Variants in ADCY4 observed in about 807,000 individuals in gnomAD.
ADCY4 encodes adenylate cyclase type 4.
Under a neutral mutation model 125.5 loss-of-function variants are expected in ADCY4, and 111 were observed. That is an observed-to-expected ratio of 0.88 (90% CI 0.76 to 1.04). The LOEUF (loss-of-function observed/expected upper bound fraction) is 1.04. Ranked by LOEUF, ADCY4 falls within the 50% of genes least tolerant of loss-of-function variation. The pLI is 0.00. For synonymous variants in ADCY4, 576 were observed against 586.9 expected, an observed-to-expected ratio of 0.98 and a Z score of 0.27; for missense variants, 1,256 against 1,382.9, an observed-to-expected ratio of 0.91 and a Z score of 1.46.
chr14:24,318,518 G>A lies in ADCY4; in HGVS notation c.3132C>T (p.Tyr1044=), dbSNP rs1235082384. ...WALQSLGYTC[Y]SRGVIKVKGK... ...CTTTCACCTTGATGACACCCCGGCT[G>A]TAGCAGGTGTAGCCCAGGGACTGTA... The change falls in exon 25 of 25, where the codon TAC becomes TAT. Residue 1044 remains tyrosine (Y), a synonymous_variant. Transcript: ENST00000418030. The A allele has an allele frequency of 6.2e-7, 1 of 1,614,184 alleles. No individual in the cohort carries two copies. Among genetic ancestry groups the A allele is most frequent in the Admixed American group, 1.7e-5 (1 of 60,032 alleles).
In ADCY4 at chr14:24,319,887, T is replaced by A. The variant is rs886902730; in HGVS notation, c.2588A>T (p.Asp863Val). The A allele has an allele frequency of 7.4e-6, 12 of 1,612,898 alleles. No homozygotes were observed. Among genetic ancestry groups the A allele is most frequent in the South Asian group, 1.1e-5 (1 of 91,036 alleles). The change falls in exon 21 of 25, where the codon GAT becomes GTT. Residue 863 changes from aspartate (D) to valine (V), a missense_variant and splice_region_variant. Asp to Val is a radical substitution (Grantham distance 152). Transcript: ENST00000418030. This position sits in a 1 kb window ranked among gnomAD's most constrained non-coding sequence, Gnocchi z 4.5. The part of the protein sequence containing the change: ...QFIGQNRRNE[D>V]LYHQSYECVC... ...GCATTCATAGGACTGGTGGTAGAGATCCTGGGGGAACAGGAGACTGGAGTG... is the reference window on the plus strand; with the variant it reads ...GCATTCATAGGACTGGTGGTAGAGAACCTGGGGGAACAGGAGACTGGAGTG...
At chr14:24,323,919 A>AT in intron 16 of ADCY4, 143 bp downstream of exon 16, 2 of 1,240,492 alleles carry the variant, frequency 1.6e-6, no homozygotes, top group Non-Finnish European at 1.1e-6. Context: ...GGAGACTGTA[A>AT]TTTTTTTCTT....
intron 16 of ADCY4, 168 bp from the exon 17 acceptor site, chr14:24,323,622 G>A (rs986078497): frequency 2.9e-5 from 41 of 1,433,042 alleles, no homozygotes; most frequent in South Asian, 1.2e-4. Flanking sequence ...GTCCTCACTC[G>A]GGGAGGAGTT....
rs1177268394 is a variant in ADCY4, at chr14:24,325,479, AAGTGAG to A, written c.1726-11_1726-6del. 1.9e-6 allele frequency: 3 copies of A among 1,611,554 alleles called. No homozygotes were observed. Among genetic ancestry groups the A allele is most frequent in the Non-Finnish European group, 2.5e-6 (3 of 1,178,092 alleles). On this transcript the variant is annotated splice_region_variant and splice_polypyrimidine_tract_variant and intron_variant, in intron 13 of 24. Transcript: ENST00000418030. Reference sequence around the variant, plus strand: ...GGGGATTGCAGAGAGTCGGTACTGAAAGTGAGAGGGCCAGAGGTGGAGACAGGGTCC... The same window carrying A: ...GGGGATTGCAGAGAGTCGGTACTGAAAGGGCCAGAGGTGGAGACAGGGTCC...
chr14:24,332,743 G>T (rs1206770372), intron 2 of ADCY4, 48 bp downstream of exon 2: 3 of 1,540,986 alleles, frequency 1.9e-6, no homozygotes, highest in South Asian at 2.4e-5. Context: ...CCTGGTGAGG[G>T]ATCGAAGCCC....
Position 24,331,345 on chromosome 14 carries a change from GAGA to G in ADCY4, c.678_680del (p.Leu228del). On this transcript the variant is annotated inframe_deletion, in exon 5 of 25. Transcript: ENST00000418030. ...CCAGGTAGGCAGGAAGGATGGACAA[GAGA>G]AGGTGTTCCTGGAAGAGGTCACCAT... 2.5e-6 allele frequency: 4 copies of G among 1,614,008 alleles called. No individual in the cohort carries two copies. The highest frequency in any genetic ancestry group is 3.4e-6 in the Non-Finnish European group (4 of 1,180,032).
At chr14:24,328,949 A>G (rs938037474) in intron 10 of ADCY4, 112 bp downstream of exon 10, 3 of 1,360,766 alleles carry the variant, frequency 2.2e-6, no homozygotes, top group Non-Finnish European at 3.0e-6. Flanking sequence ...GGATGTCACA[A>G]ATCATTAAGT....
chr14:24,332,782 C>T lies in ADCY4; in HGVS notation c.357+9G>A, dbSNP rs780040632. 4 of 1,541,796 alleles carry T rather than the reference C, an allele frequency of 2.6e-6. No individual in the cohort carries two copies. The highest frequency in any genetic ancestry group is 4.8e-5 in the East Asian group (2 of 41,626). On this transcript the variant is annotated intron_variant, in intron 2 of 24. Coordinates refer to ENST00000418030, the MANE Select transcript of ADCY4 (RefSeq NM_001198568.2). Reference sequence around the variant, plus strand: ...CCGTCCCCGCTGCCCCGCCTGCCGCCCCTCTCACCTGGTCCCAGGCGCTCA... The same window carrying T: ...CCGTCCCCGCTGCCCCGCCTGCCGCTCCTCTCACCTGGTCCCAGGCGCTCA...
intron 15 of ADCY4, 29 bp downstream of exon 15, chr14:24,324,278 T>C (rs748798524): frequency 1.9e-6 from 3 of 1,613,974 alleles, no homozygotes. Flanking sequence ...GGCTCCGGCA[T>C]ACCACTTCCA....
chr14:24,319,725 A>C lies in ADCY4; in HGVS notation c.2733+17T>G. On this transcript the variant is annotated intron_variant, in intron 21 of 24. Coordinates refer to ENST00000418030, the MANE Select transcript of ADCY4 (RefSeq NM_001198568.2). This position sits in a 1 kb window ranked among gnomAD's most constrained non-coding sequence, Gnocchi z 4.5. Reference sequence around the variant, plus strand: ...GAATCTAGGACATAGGGTCTGGGAGACTCTTGGAATTTTCACCTCATCAAA... The same window carrying C: ...GAATCTAGGACATAGGGTCTGGGAGCCTCTTGGAATTTTCACCTCATCAAA... The C allele has an allele frequency of 6.2e-7, 1 of 1,613,550 alleles. No individual in the cohort carries two copies. The highest frequency in any genetic ancestry group is 8.5e-7 in the Non-Finnish European group (1 of 1,179,896).
chr14:24,322,363 A>G (rs2041865727), intron 19 of ADCY4, 139 bp from the exon 20 acceptor site: 21 of 1,039,168 alleles, frequency 2.0e-5, no homozygotes, highest in Non-Finnish European at 2.9e-5. Flanking sequence ...AGGTGTAAGT[A>G]TACTTGGAGA....
chr14:24,332,427 T>C, intron 3 of ADCY4, 95 bp downstream of exon 3: 2 of 1,379,330 alleles, frequency 1.4e-6, no homozygotes, highest in Non-Finnish European at 1.9e-6. Flanking sequence ...CGTTGCACCT[T>C]GACTTGGAGT....
intron 4 of ADCY4, 44 bp from the exon 5 acceptor site, chr14:24,331,400 G>T: frequency 1.2e-6 from 2 of 1,607,760 alleles, no homozygotes; most frequent in Non-Finnish European, 8.5e-7. Context: ...GCACCCTAAA[G>T]CCAGGAGGCC....
At chr14:24,332,145 A>G (rs926088687) in intron 3 of ADCY4, 15 of 557,492 alleles carry the variant, frequency 2.7e-5, no homozygotes, top group African/African-American at 3.9e-5. Context: ...TGCTTCACCA[A>G]CACGACCTCT....
rs747818591 is a variant in ADCY4 at position 24,324,155 on chromosome 14, T to G, written c.1953A>C (p.Ala651=). The part of the protein sequence containing the change: ...KGPKMLHWLP[A]LSGLVATRPG... ...GTCGTGTGGCCACCAGGCCAGACAG[T>G]GCAGGCAGCCAGTGCAGCATCTTGG... The change falls in exon 16 of 25, where the codon GCA becomes GCC. Residue 651 remains alanine (A), a synonymous_variant. Coordinates refer to ENST00000418030, the MANE Select transcript of ADCY4 (RefSeq NM_001198568.2). 7 of 1,614,118 alleles carry G rather than the reference T, an allele frequency of 4.3e-6. No individual in the cohort carries two copies. The highest frequency in any genetic ancestry group is 5.9e-6 in the Non-Finnish European group (7 of 1,180,034).
chr14:24,326,572 TG>T (rs1219649219), intron 10 of ADCY4: 2 of 64,510 alleles, frequency 3.1e-5, no homozygotes, highest in African/African-American at 1.1e-4. Flanking sequence ...CCAGGATCTT[TG>T]TGTGTGTGTG....
rs2041813182 is a variant in ADCY4, at chr14:24,319,067, C to G, written c.2956+31G>C. 30 of 1,610,500 alleles carry G rather than the reference C, an allele frequency of 1.9e-5. No individual in the cohort carries two copies. The highest frequency in any genetic ancestry group is 2.5e-5 in the Non-Finnish European group (30 of 1,177,072). Reference sequence around the variant, plus strand: ...GCAAGCTCAGGAAGGTGAGGAGGTACCAGACTGCTGCAGCAGGGGAAGTCT... The same window carrying G: ...GCAAGCTCAGGAAGGTGAGGAGGTAGCAGACTGCTGCAGCAGGGGAAGTCT... On this transcript the variant is annotated intron_variant, in intron 23 of 24. Transcript: ENST00000418030. The surrounding 1 kb of genome is among the most constrained non-coding windows in gnomAD (Gnocchi z 4.5).
intron 18 of ADCY4, 93 bp downstream of exon 18, chr14:24,322,811 T>A: frequency 6.5e-7 from 1 of 1,543,438 alleles, no homozygotes; most frequent in Non-Finnish European, 8.8e-7. Flanking sequence ...GCCCTGTGGG[T>A]GATTCAGGTC....
In ADCY4 at chr14:24,332,322, C is replaced by A. The variant is rs1294814766; in HGVS notation, c.519+200G>T. On this transcript the variant is annotated intron_variant, in intron 3 of 24. Transcript: ENST00000418030. ...GGGTAAACCACGACACGACTCCCTT[C>A]CGTGTGGCCTGGATCCCTCTTCTGG... The A allele has an allele frequency of 7.1e-6, 4 of 565,520 alleles. No homozygotes were observed. The East Asian group carries it at 1.2e-4, about 18-fold the overall frequency. 35.0% of individuals were successfully genotyped at this position (565,520 alleles called of 1,614,324 possible).
Sources: allele counts gnomAD v4.1 joint callset, GRCh38; gene constraint gnomAD v4.1.1; non-coding constraint Gnocchi (gnomAD v3.1); transcripts MANE v1.5; gene names NCBI Gene and HGNC (gene_info 2026-07-23, HGNC 2026-07-21).